PRTG: variants seen among roughly 807,000 people sequenced by gnomAD.
PRTG encodes the protein protogenin.
In PRTG, 67 loss-of-function variants were observed where a neutral mutation model predicts 122.5. That is an observed-to-expected ratio of 0.55 (90% CI 0.45 to 0.67). The LOEUF is 0.67. Among genes scored for constraint, PRTG ranks in the 30% least tolerant of loss-of-function variants. The probability of loss-of-function intolerance (pLI) is 0.00; values close to 1 mark genes in which losing one functional copy is unlikely to be tolerated. For synonymous variants in PRTG, 554 were observed against 501.1 expected, an observed-to-expected ratio of 1.11 and a Z score of -1.41; for missense variants, 1,435 against 1,415.4, an observed-to-expected ratio of 1.01 and a Z score of -0.22.
At chr15:55,636,548 T>A (rs557266101) in intron 15 of PRTG, among the ~76,000 whole-genome samples, 4 of 152,160 alleles carry the variant, frequency 2.6e-5, no homozygotes, top group Non-Finnish European at 5.9e-5. Context: ...ATCCTCACTA[T>A]CCTAGTCCAG....
chr15:55,718,563 CT>C (rs1160976592), intron 2 of PRTG, among the ~76,000 whole-genome samples: 1 of 151,560 alleles, frequency 6.6e-6, no homozygotes, highest in Non-Finnish European at 1.5e-5. Flanking sequence ...TTCGCTGACT[CT>C]TTTCAGACTC....
rs1274250710 is a variant in PRTG, at chr15:55,619,090, A to T, written c.*922T>A. The T allele has an allele frequency of 6.6e-6, 1 of 152,190 alleles. No homozygotes were observed. The highest frequency in any genetic ancestry group is 2.1e-4 in the South Asian group (1 of 4,832). The allele number at this position is 152,190 out of a possible 1,614,324, so 9.4% of individuals were successfully genotyped here. A position where few individuals can be genotyped will look rare whatever the true frequency, so the allele number is the denominator to read the frequency against. On this transcript the variant is annotated 3_prime_UTR_variant, in exon 20 of 20. Coordinates refer to ENST00000389286, the MANE Select transcript of PRTG (RefSeq NM_173814.6). ...ACTGGCAAAGTTGAGGATGCTTTGC[A>T]AACTAGACAGTGCAGCCTTTGGCCA...
intron 2 of PRTG, among the ~76,000 whole-genome samples, chr15:55,707,476 C>A (rs1423164307): frequency 1.3e-5 from 2 of 152,200 alleles, no homozygotes; most frequent in Admixed American, 6.5e-5. Flanking sequence ...ATATTAGCTG[C>A]ACACAAACTA....
chr15:55,694,100 G>C lies in PRTG; in HGVS notation c.398-10169C>G, dbSNP rs1219275500. ...GTGCAGAGATAAATTATTTGAAGGA[G>C]ATAAAATCCACTACTTCAATGATGA... On this transcript the variant is annotated intron_variant, in intron 2 of 19. Transcript: ENST00000389286. 2.6e-5 allele frequency among the ~76,000 whole-genome samples: 4 copies of C among 152,118 alleles called. No individual in the cohort carries two copies. The East Asian group carries it at 7.7e-4, about 29-fold the overall frequency.
At chr15:55,729,355 AG>A (rs1258232611) in intron 2 of PRTG, among the ~76,000 whole-genome samples, 1 of 152,126 alleles carries the variant, frequency 6.6e-6, no homozygotes, top group Non-Finnish European at 1.5e-5. Context: ...TGGCTGCTAG[AG>A]GAAGGGGGAA....
At chr15:55,697,838 A>G (rs1388608101) in intron 2 of PRTG, among the ~76,000 whole-genome samples, 8 of 152,204 alleles carry the variant, frequency 5.3e-5, no homozygotes, top group African/African-American at 1.7e-4. Flanking sequence ...AAAGTAAGGG[A>G]CTTAAAAGGG....
intron 2 of PRTG, among the ~76,000 whole-genome samples, chr15:55,687,682 G>GT (rs1321412546): frequency 6.6e-6 from 1 of 152,094 alleles, no homozygotes; most frequent in Non-Finnish European, 1.5e-5. Context: ...GAAAACTCTG[G>GT]TTTTCAGAAA....
chr15:55,738,083 T>TATATAC (rs1238439359), intron 2 of PRTG: 3 of 142,184 alleles, frequency 2.1e-5, no homozygotes, highest in Non-Finnish European at 4.6e-5. Flanking sequence ...TATATATATA[T>TATATAC]ATATATATAT....
At chr15:55,649,122 A>C (rs931773364) in intron 11 of PRTG, among the ~76,000 whole-genome samples, 2 of 151,890 alleles carry the variant, frequency 1.3e-5, no homozygotes, top group African/African-American at 4.8e-5. Flanking sequence ...AAACAAAAAA[A>C]ACCCCTCTGT....
intron 2 of PRTG, among the ~76,000 whole-genome samples, chr15:55,707,590 T>C (rs1002379663): frequency 2.6e-5 from 4 of 152,208 alleles, no homozygotes; most frequent in African/African-American, 7.2e-5. Context: ...ACAACAGCCA[T>C]ATAGAAATCC....
chr15:55,725,900 T>A (rs184577147), intron 2 of PRTG, among the ~76,000 whole-genome samples: 223 of 152,034 alleles, frequency 1.5e-3, no homozygotes, highest in African/African-American at 5.2e-3. Flanking sequence ...GCCTCCGGAG[T>A]AGCTGAGATT....
At chr15:55,626,053 C>T (rs554609974) in intron 17 of PRTG, among the ~76,000 whole-genome samples, 16 of 152,282 alleles carry the variant, frequency 1.1e-4, no homozygotes, top group African/African-American at 3.4e-4. Context: ...ACCATGCCTG[C>T]ACAAGTGTGC....
intron 11 of PRTG, among the ~76,000 whole-genome samples, chr15:55,651,513 T>G (rs142480440): frequency 6.6e-6 from 1 of 152,014 alleles, no homozygotes; most frequent in African/African-American, 2.4e-5. Context: ...CCATGAAGAG[T>G]AAGTACTGCC....
chr15:55,640,035 A>C, intron 12 of PRTG: 2 of 759,676 alleles, frequency 2.6e-6, no homozygotes, highest in Non-Finnish European at 3.2e-6. Context: ...GTCATGCATC[A>C]CTAAAGAACA....
intron 11 of PRTG, among the ~76,000 whole-genome samples, chr15:55,650,448 T>C (rs1004943850): frequency 6.6e-6 from 1 of 151,944 alleles, no homozygotes; most frequent in African/African-American, 2.4e-5. Context: ...GGGAAGAGTA[T>C]AAGCAAAGGT....
rs763250582 is a variant in PRTG at position 55,703,867 on chromosome 15, A to G, written c.398-19936T>C. Among the ~76,000 whole-genome samples, 8 of 152,174 alleles carry G rather than the reference A, an allele frequency of 5.3e-5. No homozygotes were observed. In the East Asian group the frequency reaches 1.3e-3, roughly 26 times the overall value. On this transcript the variant is annotated intron_variant, in intron 2 of 19. Transcript: ENST00000389286. Reference sequence around the variant, plus strand: ...GATCTCACTTTGAAAGACATCCCCAACTGGGACTTTCTTCTTCTCAAATTA... The same window carrying G: ...GATCTCACTTTGAAAGACATCCCCAGCTGGGACTTTCTTCTTCTCAAATTA...
At chr15:55,679,225 C>G (rs188318416) in intron 7 of PRTG, 61 bp downstream of exon 7, 1 of 1,105,720 alleles carries the variant, frequency 9.0e-7, no homozygotes, top group Non-Finnish European at 1.3e-6. Context: ...AACCATTTCA[C>G]ATAAAAATTA....
At position 55,619,816 on chromosome 15, in the gene PRTG, G is replaced by T; in HGVS notation, c.*196C>A. ...AAAAGGCTTTGGTTCCCTGTTCATTGTCCTTCGAACAGATTTAATGGTGAG... is the reference window on the plus strand; with the variant it reads ...AAAAGGCTTTGGTTCCCTGTTCATTTTCCTTCGAACAGATTTAATGGTGAG... On this transcript the variant is annotated 3_prime_UTR_variant, in exon 20 of 20. Coordinates refer to ENST00000389286, the MANE Select transcript of PRTG (RefSeq NM_173814.6). 2 of 848,582 alleles carry T rather than the reference G, an allele frequency of 2.4e-6. No individual in the cohort carries two copies. Among genetic ancestry groups the T allele is most frequent in the Non-Finnish European group, 3.5e-6 (2 of 577,154 alleles). 52.6% of individuals were successfully genotyped at this position (848,582 alleles called of 1,614,324 possible).
chr15:55,635,979 T>C (rs751840621), intron 15 of PRTG, among the ~76,000 whole-genome samples: 2 of 152,130 alleles, frequency 1.3e-5, no homozygotes, highest in Non-Finnish European at 2.9e-5. Flanking sequence ...AATGAAGTTT[T>C]ACTATTTATG....
Sources: allele counts gnomAD v4.1 joint callset (sites outside exome capture counted in the v4.1 genomes callset), GRCh38; gene constraint gnomAD v4.1.1; transcripts MANE v1.5; gene names NCBI Gene and HGNC (gene_info 2026-07-23, HGNC 2026-07-21).